CSNK1G1: variants seen among roughly 807,000 people sequenced by gnomAD.
The protein encoded by CSNK1G1 is casein kinase I isoform gamma-1.
CSNK1G1 carries 22 observed loss-of-function variants against 59.6 expected under a neutral mutation model. The ratio of observed to expected loss-of-function variants is 0.37; its 90% CI spans 0.26 to 0.53. CSNK1G1 has a LOEUF of 0.53. CSNK1G1 is among the 20% of genes least tolerant of loss of function. The pLI is 0.89. For synonymous variants in CSNK1G1, 179 were observed against 177.1 expected (o/e 1.01, Z -0.08); for missense variants, 384 against 519.5 (o/e 0.74, Z 2.54).
chr15:64,184,882 G>A (rs2081870335), intron 10 of CSNK1G1, among the ~76,000 whole-genome samples: 1 of 152,016 alleles, frequency 6.6e-6, no homozygotes, highest in South Asian at 2.1e-4. Flanking sequence ...CAATAATTTG[G>A]GTTATTAGTT....
chr15:64,221,100 T>C (rs907952608), intron 4 of CSNK1G1, among the ~76,000 whole-genome samples: 18 of 152,228 alleles, frequency 1.2e-4, no homozygotes, highest in African/African-American at 4.3e-4. Flanking sequence ...TACTTGTATT[T>C]GGATTTTTAA....
intron 1 of CSNK1G1, among the ~76,000 whole-genome samples, chr15:64,343,717 G>T (rs1016067897): frequency 6.6e-6 from 1 of 150,930 alleles, no homozygotes; most frequent in African/African-American, 2.4e-5. Flanking sequence ...CTTTCAACTC[G>T]AAATTGAAGA....
chr15:64,175,476 A>C (rs1426576900), intron 11 of CSNK1G1, among the ~76,000 whole-genome samples: 1 of 152,180 alleles, frequency 6.6e-6, no homozygotes, highest in African/African-American at 2.4e-5. Context: ...GAGCAGGGGA[A>C]GGGGCTATGT....
intron 2 of CSNK1G1, among the ~76,000 whole-genome samples, chr15:64,271,325 T>C (rs1157735952): frequency 6.6e-6 from 1 of 151,950 alleles, no homozygotes; most frequent in African/African-American, 2.4e-5. Context: ...TCTCACTCTG[T>C]CACCGAGGCT....
intron 2 of CSNK1G1, among the ~76,000 whole-genome samples, chr15:64,262,551 A>T (rs755440412): frequency 4.6e-5 from 7 of 152,210 alleles, no homozygotes; most frequent in Non-Finnish European, 1.0e-4. Flanking sequence ...AGCCATAAAC[A>T]TCCACTAAGC....
intron 1 of CSNK1G1, among the ~76,000 whole-genome samples, chr15:64,353,358 A>G (rs1354965169): frequency 6.6e-6 from 1 of 152,000 alleles, no homozygotes; most frequent in African/African-American, 2.4e-5. Flanking sequence ...ATGAGTATAA[A>G]GACTTTGGCC....
chr15:64,323,618 G>A (rs552491136), intron 1 of CSNK1G1, among the ~76,000 whole-genome samples: 5 of 152,188 alleles, frequency 3.3e-5, no homozygotes. Flanking sequence ...ACCCGCCTCG[G>A]CCTCCCAAAG....
chr15:64,206,654 G>C (rs561988754), intron 7 of CSNK1G1, among the ~76,000 whole-genome samples: 8 of 141,038 alleles, frequency 5.7e-5, no homozygotes, highest in Non-Finnish European at 1.1e-4. Flanking sequence ...CAATGGGTTA[G>C]AAGCTCACCA....
intron 2 of CSNK1G1, among the ~76,000 whole-genome samples, chr15:64,271,039 G>C (rs1893274034): frequency 6.6e-6 from 1 of 151,992 alleles, no homozygotes; most frequent in South Asian, 2.1e-4. Context: ...TTGGAGTGTA[G>C]CAGCACGATC....
intron 1 of CSNK1G1, among the ~76,000 whole-genome samples, chr15:64,330,461 G>A (rs1385913447): frequency 1.4e-5 from 2 of 147,888 alleles, no homozygotes; most frequent in Non-Finnish European, 3.0e-5. Flanking sequence ...AAAGGCCTTT[G>A]ACAAAATTCA....
chr15:64,225,551 C>T (rs1409235113), intron 4 of CSNK1G1, among the ~76,000 whole-genome samples: 1 of 152,136 alleles, frequency 6.6e-6, no homozygotes, highest in Non-Finnish European at 1.5e-5. Context: ...TCTGATTGGC[C>T]TAGGGCAGAA....
chr15:64,286,749 G>A (rs182208953), intron 2 of CSNK1G1, among the ~76,000 whole-genome samples: 1 of 152,166 alleles, frequency 6.6e-6, no homozygotes, highest in Non-Finnish European at 1.5e-5. Context: ...TTATTTGAAA[G>A]AGGCATAGTG....
At chr15:64,253,306 C>T (rs1892190267) in intron 3 of CSNK1G1, among the ~76,000 whole-genome samples, 1 of 152,092 alleles carries the variant, frequency 6.6e-6, no homozygotes, top group African/African-American at 2.4e-5. Context: ...GATTGTGCCA[C>T]TGTACTCCAG....
At chr15:64,241,841 G>A (rs548904582) in intron 4 of CSNK1G1, among the ~76,000 whole-genome samples, 14 of 150,360 alleles carry the variant, frequency 9.3e-5, no homozygotes, top group Admixed American at 7.3e-4. Context: ...TTCAGTAGAA[G>A]GAGAGAAATA....
chr15:64,199,967 G>A lies in CSNK1G1; in HGVS notation c.1107+3115C>T, dbSNP rs115402732. The stretch of plus-strand genomic sequence containing the variant: ...TTCTAAAAAATAGGCACAAGGTGCC[G>A]GGCATGGTGGTTCATGCCTGTAATT... On this transcript the variant is annotated intron_variant, in intron 10 of 11. Transcript: ENST00000303052. Among the ~76,000 whole-genome samples the A allele has an allele frequency of 5.5e-3, 836 of 152,268 alleles. 11 individuals are homozygous for A. Among genetic ancestry groups the A allele is most frequent in the African/African-American group, 0.017 (722 of 41,566 alleles).
intron 10 of CSNK1G1, among the ~76,000 whole-genome samples, chr15:64,199,888 C>A (rs1409175879): frequency 6.6e-6 from 1 of 152,010 alleles, no homozygotes; most frequent in East Asian, 1.9e-4. Flanking sequence ...AAAAAAAATT[C>A]TATCACATTC....
intron 4 of CSNK1G1, among the ~76,000 whole-genome samples, chr15:64,248,705 C>A (rs1891894365): frequency 6.6e-6 from 1 of 152,142 alleles, no homozygotes; most frequent in Non-Finnish European, 1.5e-5. Flanking sequence ...AAAAATATGG[C>A]CAGGCACGGC....
At chr15:64,218,016 C>T (rs989431874) in intron 4 of CSNK1G1, among the ~76,000 whole-genome samples, 6 of 150,984 alleles carry the variant, frequency 4.0e-5, no homozygotes, top group East Asian at 2.0e-4. Context: ...GGTAAGATCT[C>T]GGCTCGCAAT....
intron 1 of CSNK1G1, among the ~76,000 whole-genome samples, chr15:64,352,633 T>C (rs975663317): frequency 6.6e-6 from 1 of 150,430 alleles, no homozygotes; most frequent in Non-Finnish European, 1.5e-5. Flanking sequence ...TTAGTAGAGA[T>C]GGGGTTTCTC....
Sources: gnomAD v4.1 joint callset for allele counts (sites outside exome capture counted in the v4.1 genomes callset) on GRCh38, gnomAD v4.1.1 for gene constraint, MANE v1.5 for transcripts, NCBI Gene and HGNC (gene_info 2026-07-23, HGNC 2026-07-21) for gene names.